MEI1: variants seen among roughly 807,000 people sequenced by gnomAD.
The protein encoded by MEI1 is meiosis inhibitor protein 1.
In MEI1, 103 loss-of-function variants were observed where a neutral mutation model predicts 146.2. The ratio of observed to expected loss-of-function variants is 0.70; its 90% CI spans 0.60 to 0.83. The LOEUF (loss-of-function observed/expected upper bound fraction) is 0.83. Among genes scored for constraint, MEI1 ranks in the 40% least tolerant of loss-of-function variants. MEI1 has a pLI of 0.00. For missense variants in MEI1, 1,529 were observed against 1,533.0 expected, an observed-to-expected ratio of 1.00 and a Z score of 0.04; for synonymous variants, 652 against 628.2, an observed-to-expected ratio of 1.04 and a Z score of -0.57.
chr22:41,728,802 A>G (rs1399492829), intron 7 of MEI1, among the ~76,000 whole-genome samples: 1 of 151,146 alleles, frequency 6.6e-6, no homozygotes, highest in Non-Finnish European at 1.5e-5. Flanking sequence ...TTGAGGCTGC[A>G]GTGAGTCATG....
intron 3 of MEI1, chr22:41,709,402 G>A (rs2069357950): frequency 1.4e-6 from 1 of 710,302 alleles, no homozygotes; most frequent in South Asian, 1.4e-5. Flanking sequence ...AGATTTTGCA[G>A]ACAACCTTGT....
At chr22:41,793,984 T>C (rs1201948015) in intron 27 of MEI1, 74 bp downstream of exon 27, 7 of 1,335,392 alleles carry the variant, frequency 5.2e-6, no homozygotes, top group Non-Finnish European at 7.4e-6. Flanking sequence ...ACCCTCCTGC[T>C]CCAGCCTTCC....
chr22:41,759,904 T>C lies in MEI1; in HGVS notation c.2120+1371T>C, dbSNP rs552442544. 1.2e-3 allele frequency among the ~76,000 whole-genome samples: 188 copies of C among 152,238 alleles called. 1 individual carries two copies. The highest frequency in any genetic ancestry group is 4.3e-3 in the African/African-American group (178 of 41,554). On this transcript the variant is annotated intron_variant, in intron 18 of 30. Coordinates refer to ENST00000401548, the MANE Select transcript of MEI1 (RefSeq NM_152513.4). ...AAATAATTTATTGGGCCGGGTACGG[T>C]GGCTCACATCTGTAATCCCAGCACT...
intron 15 of MEI1, among the ~76,000 whole-genome samples, chr22:41,749,755 G>A (rs1569245530): frequency 6.6e-6 from 1 of 152,210 alleles, no homozygotes. Context: ...AGGAACTAAG[G>A]TAGTGTTGGG....
At chr22:41,786,738 T>TG (rs1483884999) in intron 26 of MEI1, among the ~76,000 whole-genome samples, 1 of 152,170 alleles carries the variant, frequency 6.6e-6, no homozygotes, top group African/African-American at 2.4e-5. Flanking sequence ...ATAGCCCAGG[T>TG]GGACTGGTCC....
intron 17 of MEI1, among the ~76,000 whole-genome samples, chr22:41,755,724 G>A (rs971010812): frequency 6.6e-6 from 1 of 152,166 alleles, no homozygotes; most frequent in African/African-American, 2.4e-5. Flanking sequence ...TATATATCAG[G>A]AGAAAGGCAG....
intron 7 of MEI1, among the ~76,000 whole-genome samples, chr22:41,726,805 GCT>G (rs2071398656): frequency 6.7e-6 from 1 of 149,870 alleles, no homozygotes; most frequent in African/African-American, 2.5e-5. Context: ...ATGGAGTCTC[GCT>G]CTGTCGCCCA....
chr22:41,799,353 G>C lies in MEI1; in HGVS notation c.*54G>C. 4 of 1,555,926 alleles carry C rather than the reference G, an allele frequency of 2.6e-6. No homozygotes were observed. The South Asian group carries it at 3.3e-5, about 13-fold the overall frequency. On this transcript the variant is annotated 3_prime_UTR_variant, in exon 31 of 31. Transcript: ENST00000401548. ...AGAGAGAATGAGACCTGGAGACAAA[G>C]GGCATAATTGTTGGGGAAATGGATG...
At chr22:41,786,401 C>G (rs899057368) in intron 26 of MEI1, among the ~76,000 whole-genome samples, 2 of 152,184 alleles carry the variant, frequency 1.3e-5, no homozygotes, top group Non-Finnish European at 2.9e-5. Flanking sequence ...TGGCTTATAA[C>G]TGAGAAGTCC....
At position 41,716,144 on chromosome 22, in the gene MEI1, A is replaced by C; in HGVS notation, c.527A>C (p.His176Pro). 1 of 1,602,210 alleles carries C rather than the reference A, an allele frequency of 6.2e-7. No homozygotes were observed. Among genetic ancestry groups the C allele is most frequent in the Non-Finnish European group, 8.5e-7 (1 of 1,173,564 alleles). Reference protein sequence around the residue: ...PALADELVMEHGNLMEHLLRG... With the variant: ...PALADELVMEPGNLMEHLLRG... The stretch of plus-strand genomic sequence containing the variant: ...CTGGCAGACGAGCTTGTAATGGAGC[A>C]TGGTGAGTGACCTGTGGGAGGAGCT... Residue 176 changes from histidine to proline, a missense_variant and splice_region_variant, in exon 5 of 31, where the codon CAT (histidine) becomes CCT (proline). By Grantham distance (77) the His-to-Pro change is moderately conservative. Coordinates refer to ENST00000401548, the MANE Select transcript of MEI1 (RefSeq NM_152513.4).
intron 5 of MEI1, among the ~76,000 whole-genome samples, chr22:41,716,903 A>T (rs992056682): frequency 4.0e-5 from 6 of 148,156 alleles, no homozygotes; most frequent in Non-Finnish European, 8.9e-5. Flanking sequence ...GTTAGCCAGG[A>T]TGGTCTCGAT....
intron 26 of MEI1, among the ~76,000 whole-genome samples, chr22:41,789,994 C>T (rs1388215748): frequency 6.6e-6 from 1 of 152,180 alleles, no homozygotes; most frequent in Non-Finnish European, 1.5e-5. Flanking sequence ...CCACAATGTC[C>T]CCTCTGTCAC....
At chr22:41,750,260 G>A (rs371090660) in intron 15 of MEI1, among the ~76,000 whole-genome samples, 7 of 152,184 alleles carry the variant, frequency 4.6e-5, no homozygotes, top group Admixed American at 3.3e-4. Context: ...GGAGAGGTAC[G>A]AGCATTTGGA....
intron 1 of MEI1, 105 bp downstream of exon 1, chr22:41,699,817 C>T (rs1446776067): frequency 5.2e-6 from 7 of 1,341,760 alleles, no homozygotes; most frequent in Non-Finnish European, 7.0e-6. Context: ...GACGCGAAAC[C>T]GGGCCCCCGC....
chr22:41,793,226 T>C (rs139556), intron 26 of MEI1, among the ~76,000 whole-genome samples: 111,518 of 151,066 alleles, frequency 0.74, 41,760 homozygotes, highest in African/African-American at 0.84. Context: ...TTAGTAGAGA[T>C]GGGGTTTCAT....
At position 41,745,941 on chromosome 22, in the gene MEI1, C is replaced by A. The variant is rs945758779; in HGVS notation, c.1595C>A (p.Pro532His). ...GCCCAGGAGAATCCATTCACAGCTC[C>A]CAGCGCCAAGAAGGAAGACACCTTG... ...PSAQENPFTAPSAKKEDTLEA... is the reference protein window; with the variant it reads ...PSAQENPFTAHSAKKEDTLEA... The change falls in exon 14 of 31, where the codon CCC becomes CAC. Residue 532 changes from proline to histidine, a missense_variant. This residue lies in a region of MEI1 where 1,212 missense variants were observed against 1,178.9 expected (regional missense o/e 1.03). Coordinates refer to ENST00000401548, the MANE Select transcript of MEI1 (RefSeq NM_152513.4). 2 of 1,613,538 alleles carry A rather than the reference C, an allele frequency of 1.2e-6. No homozygotes were observed. The highest frequency in any genetic ancestry group is 1.7e-4 in the Middle Eastern group (1 of 6,060).
intron 15 of MEI1, among the ~76,000 whole-genome samples, chr22:41,749,145 T>C (rs922019007): frequency 2.0e-5 from 3 of 152,148 alleles, no homozygotes; most frequent in African/African-American, 7.2e-5. Context: ...CTTATCATTA[T>C]AATTTAATGT....
At chr22:41,789,877 C>T (rs2076114992) in intron 26 of MEI1, among the ~76,000 whole-genome samples, 1 of 152,182 alleles carries the variant, frequency 6.6e-6, no homozygotes, top group Non-Finnish European at 1.5e-5. Context: ...CTGTCTTAGC[C>T]TCACAGTGAC....
At chr22:41,746,221 T>C (rs1481933027) in intron 14 of MEI1, among the ~76,000 whole-genome samples, 195 bp downstream of exon 14, 1 of 152,174 alleles carries the variant, frequency 6.6e-6, no homozygotes, top group Non-Finnish European at 1.5e-5. Flanking sequence ...AACAGGTTCA[T>C]CTTAAGAAAA....
Sources: gnomAD v4.1 joint callset for allele counts (sites outside exome capture counted in the v4.1 genomes callset) on GRCh38, gnomAD v4.1.1 for gene constraint, gnomAD v4.1.1 regional missense constraint, MANE v1.5 for transcripts, NCBI Gene and HGNC (gene_info 2026-07-23, HGNC 2026-07-21) for gene names.